The following TOP6BL variants were observed in gnomAD, a reference collection of about 807,000 sequenced individuals.
The protein encoded by TOP6BL is type 2 DNA topoisomerase 6 subunit B-like.
At chr11:66,780,522 C>T in the TOP6BL span, among the ~76,000 whole-genome samples, 1 of 152,096 alleles carries the variant, frequency 6.6e-6, no homozygotes, top group Non-Finnish European at 1.5e-5. Context: ...TTCTCCTTTT[C>T]AACATTTTGA....
chr11:66,841,241 CTG>C, the TOP6BL span, among the ~76,000 whole-genome samples: 4 of 151,140 alleles, frequency 2.6e-5, no homozygotes, highest in Admixed American at 6.6e-5. Context: ...GCCTCAGCCT[CTG>C]AGTAGTTGGG....
chr11:66,795,636 C>G, the TOP6BL span, among the ~76,000 whole-genome samples: 2 of 151,764 alleles, frequency 1.3e-5, no homozygotes, highest in East Asian at 3.9e-4. Flanking sequence ...TAAAACAGTT[C>G]TGTGAGGTCA....
the TOP6BL span, chr11:66,842,951 C>G: frequency 6.4e-7 from 1 of 1,552,818 alleles, no homozygotes; most frequent in Non-Finnish European, 8.7e-7. Flanking sequence ...CCGTCAGAGG[C>G]CGCCCCGCGC....
chr11:66,801,209 G>A, the TOP6BL span: 15 of 1,161,838 alleles, frequency 1.3e-5, no homozygotes, highest in East Asian at 2.4e-5. Context: ...TAAGTGCCAG[G>A]TGTCAGCTTC....
chr11:66,773,738 TC>T, the TOP6BL span, among the ~76,000 whole-genome samples: 1 of 152,154 alleles, frequency 6.6e-6, no homozygotes, highest in Non-Finnish European at 1.5e-5. Flanking sequence ...TTATGTAATT[TC>T]TTTTTTCTTT....
chr11:66,779,392 A>G, the TOP6BL span, among the ~76,000 whole-genome samples: 2 of 151,334 alleles, frequency 1.3e-5, no homozygotes, highest in African/African-American at 4.9e-5. Context: ...TTATGCAGCC[A>G]AAAAAAACAC....
At chr11:66,842,993 C>A in the TOP6BL span, 2 of 1,550,596 alleles carry the variant, frequency 1.3e-6, no homozygotes, top group East Asian at 4.9e-5. Flanking sequence ...CCCCTCACTC[C>A]TAGAGGAAGG....
chr11:66,798,519 G>C, the TOP6BL span, among the ~76,000 whole-genome samples: 1 of 146,902 alleles, frequency 6.8e-6, no homozygotes, highest in Non-Finnish European at 1.5e-5. Flanking sequence ...AGAATCGCTT[G>C]AACCCAGGAG....
At chr11:66,756,221 G>A in the TOP6BL span, 3 of 901,706 alleles carry the variant, frequency 3.3e-6, no homozygotes, top group South Asian at 1.0e-4. Context: ...TTTGGGAAAT[G>A]TTAGTTAAAA....
chr11:66,762,384 G>A, the TOP6BL span: 1 of 362,346 alleles, frequency 2.8e-6, no homozygotes, highest in South Asian at 2.5e-5. Context: ...GGCACTCAGC[G>A]CAGCAGTGGC....
chr11:66,827,638 AG>A, the TOP6BL span, among the ~76,000 whole-genome samples: 1 of 152,058 alleles, frequency 6.6e-6, no homozygotes, highest in African/African-American at 2.4e-5. Context: ...CTTCATGAAC[AG>A]ATGGATCTTC....
At chr11:66,785,254 G>A in the TOP6BL span, among the ~76,000 whole-genome samples, 22 of 151,858 alleles carry the variant, frequency 1.4e-4, no homozygotes, top group African/African-American at 1.5e-4. Flanking sequence ...CCACCGTGCC[G>A]AGCCAGTTTC....
the TOP6BL span, among the ~76,000 whole-genome samples, chr11:66,745,395 G>T: frequency 1.3e-5 from 2 of 152,024 alleles, no homozygotes; most frequent in Admixed American, 1.3e-4. Flanking sequence ...TTTAGGCCCC[G>T]GTGCAGGTGC....
the TOP6BL span, among the ~76,000 whole-genome samples, chr11:66,809,910 C>G: frequency 6.6e-6 from 1 of 152,140 alleles, no homozygotes; most frequent in South Asian, 2.1e-4. Context: ...CAGGGTCTCA[C>G]CCCCGAGTTT....
chr11:66,812,079 A>G, the TOP6BL span, among the ~76,000 whole-genome samples: 3 of 152,218 alleles, frequency 2.0e-5, no homozygotes, highest in Non-Finnish European at 2.9e-5. Context: ...TTTAAACTCC[A>G]CTATAGCTAT....
the TOP6BL span, among the ~76,000 whole-genome samples, chr11:66,769,990 C>G: frequency 6.6e-6 from 1 of 152,010 alleles, no homozygotes; most frequent in Non-Finnish European, 1.5e-5. Flanking sequence ...TGTGATCCGC[C>G]TGCCTCGGCC....
chr11:66,749,048 T>TTGTG, the TOP6BL span, among the ~76,000 whole-genome samples: 15 of 151,078 alleles, frequency 9.9e-5, no homozygotes, highest in African/African-American at 1.2e-4. Context: ...TGTTAGCTTT[T>TTGTG]TGTGTGTGTG....
the TOP6BL span, among the ~76,000 whole-genome samples, chr11:66,750,073 C>G: frequency 6.6e-6 from 1 of 152,074 alleles, no homozygotes; most frequent in Non-Finnish European, 1.5e-5. Context: ...CTAGATTTTT[C>G]TATGCCTACG....
At chr11:66,813,750 A>T in the TOP6BL span, 10 of 916,000 alleles carry the variant, frequency 1.1e-5, no homozygotes, top group Admixed American at 2.8e-4. Context: ...AAAAAAAAGT[A>T]ACTGCATAGC....
Sources: allele counts gnomAD v4.1 joint callset (sites outside exome capture counted in the v4.1 genomes callset), GRCh38; gene constraint gnomAD v4.1.1; transcripts MANE v1.5; gene names NCBI Gene and HGNC (gene_info 2026-07-23, HGNC 2026-07-21).